Variants in SPRING1 observed in about 807,000 individuals in gnomAD.
SPRING1 encodes the protein SREBF pathway regulator in golgi 1, also known as SREBP regulating gene protein.
In SPRING1, 14 loss-of-function variants were observed where a neutral mutation model predicts 24.7. That is an observed-to-expected ratio of 0.57 (90% CI 0.37 to 0.88). The LOEUF is 0.88. Among genes scored for constraint, SPRING1 ranks in the 40% least tolerant of loss-of-function variants. SPRING1 has a pLI of 0.00. For missense variants in SPRING1, 255 were observed against 268.4 expected, an observed-to-expected ratio of 0.95 and a Z score of 0.35; for synonymous variants, 93 against 106.1, an observed-to-expected ratio of 0.88 and a Z score of 0.76.
At chr12:116,726,613 A>C (rs896274660) in intron 1 of SPRING1, among the ~76,000 whole-genome samples, 3 of 152,208 alleles carry the variant, frequency 2.0e-5, no homozygotes, top group Non-Finnish European at 2.9e-5. Context: ...ACTTAGGTGC[A>C]TGCTGCTTAA....
In SPRING1 at chr12:116,720,177, A is replaced by G. The variant is rs1870355809; in HGVS notation, c.420+119T>C. 3 of 1,318,632 alleles carry G rather than the reference A, an allele frequency of 2.3e-6. No individual in the cohort carries two copies. The highest frequency in any genetic ancestry group is 2.5e-5 in the East Asian group (1 of 39,350). The allele number at this position is 1,318,632 out of a possible 1,614,324, so 81.7% of individuals were successfully genotyped here. On this transcript the variant is annotated intron_variant, in intron 3 of 4. Coordinates refer to ENST00000261318, the MANE Select transcript of SPRING1 (RefSeq NM_024738.4). This position sits in a 1 kb window ranked among gnomAD's most constrained non-coding sequence, Gnocchi z 4.0. ...TATTGTGCAGCAATTTCTGACACCT[A>G]CAAAGCTCCTTTCTAAGTTTTATTT...
chr12:116,724,971 T>C (rs1440986249), intron 1 of SPRING1, among the ~76,000 whole-genome samples: 2 of 152,224 alleles, frequency 1.3e-5, no homozygotes, highest in African/African-American at 2.4e-5. Context: ...ACTGCATGCC[T>C]ATAGTGTATT....
chr12:116,722,963 A>G, intron 2 of SPRING1, 104 bp downstream of exon 2: 9 of 1,416,004 alleles, frequency 6.4e-6, no homozygotes, highest in Non-Finnish European at 8.7e-6. Flanking sequence ...GAGCGAGGAG[A>G]GAAAATGTGT....
rs543215243 is a variant in SPRING1, at chr12:116,720,160, A to G, written c.420+136T>C. The G allele has an allele frequency of 8.6e-7, 1 of 1,167,564 alleles. No homozygotes were observed. Among genetic ancestry groups the G allele is most frequent in the South Asian group, 1.7e-5 (1 of 58,782 alleles). The allele number at this position is 1,167,564 out of a possible 1,614,324, so 72.3% of individuals were successfully genotyped here. ...TTTCCTTAGATAAAAGCTATTGTGC[A>G]GCAATTTCTGACACCTACAAAGCTC... is the stretch of plus-strand genomic sequence containing the variant. On this transcript the variant is annotated intron_variant, in intron 3 of 4. Coordinates refer to ENST00000261318, the MANE Select transcript of SPRING1 (RefSeq NM_024738.4). This position sits in a 1 kb window ranked among gnomAD's most constrained non-coding sequence, Gnocchi z 4.0.
At chr12:116,722,686 C>A (rs930729022) in intron 2 of SPRING1, among the ~76,000 whole-genome samples, 3 of 152,076 alleles carry the variant, frequency 2.0e-5, no homozygotes, top group African/African-American at 7.2e-5. Flanking sequence ...ACTCAGGTTA[C>A]CAAGAAGGAA....
At position 116,738,057 on chromosome 12, in the gene SPRING1, A is replaced by C. The variant is rs1256355563; in HGVS notation, c.-157T>G. 2 of 1,082,994 alleles carry C rather than the reference A, an allele frequency of 1.8e-6. No individual in the cohort carries two copies. Among genetic ancestry groups the C allele is most frequent in the South Asian group, 4.4e-5 (1 of 22,560 alleles). 67.1% of individuals were successfully genotyped at this position (1,082,994 alleles called of 1,614,324 possible). On this transcript the variant is annotated 5_prime_UTR_variant, in exon 1 of 5. Transcript: ENST00000261318. ...GTCTGCTCCCGGCAGCCTTGGGCGC[A>C]GCCCCACGTGACCCCGCCCTACGCC...
chr12:116,717,786 G>A lies in SPRING1; in HGVS notation c.*24C>T. On this transcript the variant is annotated 3_prime_UTR_variant, in exon 5 of 5. Coordinates refer to ENST00000261318, the MANE Select transcript of SPRING1 (RefSeq NM_024738.4). The surrounding 1 kb of genome is among the most constrained non-coding windows in gnomAD (Gnocchi z 4.2). Reference sequence around the variant, plus strand: ...TCTTCAGCGGGGCCTCCTCACCCAGGCTGGAGCAAGTCCGCTGCACCCGTC... The same window carrying A: ...TCTTCAGCGGGGCCTCCTCACCCAGACTGGAGCAAGTCCGCTGCACCCGTC... 1 of 1,563,126 alleles carries A rather than the reference G, an allele frequency of 6.4e-7. No homozygotes were observed. The highest frequency in any genetic ancestry group is 2.3e-5 in the East Asian group (1 of 42,968).
intron 1 of SPRING1, among the ~76,000 whole-genome samples, chr12:116,730,147 G>A (rs193016753): frequency 9.7e-4 from 148 of 152,036 alleles, no homozygotes; most frequent in African/African-American, 3.3e-3. Context: ...TGATCCACCC[G>A]CCTCGGCCTC....
rs1423901260 is a variant in SPRING1 at position 116,713,546 on chromosome 12, AC to A, written c.*4263del. The A allele has an allele frequency of 1.4e-4, 21 of 152,248 alleles. No homozygotes were observed. Among genetic ancestry groups the A allele is most frequent in the Admixed American group, 2.6e-4 (4 of 15,290 alleles). The allele number at this position is 152,248 out of a possible 1,614,324, so 9.4% of individuals were successfully genotyped here. ...TACCAGGGGTATGACAAAAATGGAC[AC>A]TTCCATACACACTAGGTGAATATAT... is the stretch of plus-strand genomic sequence containing the variant. On this transcript the variant is annotated 3_prime_UTR_variant, in exon 5 of 5. Coordinates refer to ENST00000261318, the MANE Select transcript of SPRING1 (RefSeq NM_024738.4).
At position 116,711,621 on chromosome 12, in the gene SPRING1, T is replaced by A. The variant is rs984213966; in HGVS notation, c.*6189A>T. ...GTGATTTCTCATTTAGACAACACTT[T>A]TTTCCCCTCCTCAGACAGGGTCTCA... On this transcript the variant is annotated 3_prime_UTR_variant, in exon 5 of 5. Transcript: ENST00000261318. 5.9e-5 allele frequency: 9 copies of A among 152,142 alleles called. No homozygotes were observed. The highest frequency in any genetic ancestry group is 2.2e-4 in the African/African-American group (9 of 41,408). 9.4% of individuals were successfully genotyped at this position (152,142 alleles called of 1,614,324 possible). A position where few individuals can be genotyped will look rare whatever the true frequency, so the allele number is the denominator to read the frequency against.
intron 1 of SPRING1, among the ~76,000 whole-genome samples, chr12:116,732,778 T>C (rs1341174686): frequency 2.0e-5 from 3 of 152,176 alleles, no homozygotes; most frequent in Non-Finnish European, 4.4e-5. Context: ...ATGTTACCCA[T>C]TTCATCTCTA....
intron 1 of SPRING1, 50 bp downstream of exon 1, chr12:116,737,740 G>GAGGA: frequency 2.0e-6 from 3 of 1,467,340 alleles, no homozygotes; most frequent in Non-Finnish European, 2.7e-6. Context: ...AAGTAAGGGG[G>GAGGA]AGGAAGGAAG....
At chr12:116,737,687 A>C in intron 1 of SPRING1, 103 bp downstream of exon 1, 1 of 1,264,670 alleles carries the variant, frequency 7.9e-7, no homozygotes, top group Non-Finnish European at 1.0e-6. Context: ...ACAGGGAGGA[A>C]GGAAAAAAGG....
intron 1 of SPRING1, among the ~76,000 whole-genome samples, chr12:116,730,524 C>T (rs899105724): frequency 1.3e-5 from 2 of 152,256 alleles, no homozygotes; most frequent in South Asian, 2.1e-4. Flanking sequence ...TACAAACAAG[C>T]GTTACATACT....
Position 116,717,896 on chromosome 12 carries a change from G to A in SPRING1, c.535-3C>T. ...TAGGTGTTCTCATGCTGCACGCTCT[G>A]TTGGCAAAAGGAAAATAAGAGCGCA... On this transcript the variant is annotated splice_region_variant and splice_polypyrimidine_tract_variant and intron_variant, in intron 4 of 4. Coordinates refer to ENST00000261318, the MANE Select transcript of SPRING1 (RefSeq NM_024738.4). This position sits in a 1 kb window ranked among gnomAD's most constrained non-coding sequence, Gnocchi z 4.2. The A allele has an allele frequency of 6.3e-7, 1 of 1,598,484 alleles. No homozygotes were observed. The highest frequency in any genetic ancestry group is 2.3e-5 in the East Asian group (1 of 44,120).
In SPRING1 at chr12:116,735,302, G is replaced by A. The variant is rs548843716; in HGVS notation, c.111+2488C>T. On this transcript the variant is annotated intron_variant, in intron 1 of 4. Transcript: ENST00000261318. ...AGGAGGGTGGTTGCCGGGGGCTGGGGAAAGGGAGAAATGGAGAGTTATTGT... is the reference window on the plus strand; with the variant it reads ...AGGAGGGTGGTTGCCGGGGGCTGGGAAAAGGGAGAAATGGAGAGTTATTGT... 1.4e-4 allele frequency among the ~76,000 whole-genome samples: 22 copies of A among 152,284 alleles called. No individual in the cohort carries two copies. The East Asian group carries it at 4.2e-3, about 29-fold the overall frequency.
chr12:116,717,885 C>T lies in SPRING1; in HGVS notation c.543G>A (p.Gln181=). The part of the protein sequence containing the change: ...AKCRTSSQSV[Q]HENTYRDPIA... ...TGGGGTCCCGGTAGGTGTTCTCATG[C>T]TGCACGCTCTGTTGGCAAAAGGAAA... is the stretch of plus-strand genomic sequence containing the variant. Residue 181 remains glutamine, a synonymous_variant, in exon 5 of 5, where the codon CAG becomes CAA. Coordinates refer to ENST00000261318, the MANE Select transcript of SPRING1 (RefSeq NM_024738.4). The surrounding 1 kb of genome is among the most constrained non-coding windows in gnomAD (Gnocchi z 4.2). The T allele has an allele frequency of 6.2e-7, 1 of 1,603,348 alleles. No individual in the cohort carries two copies. The highest frequency in any genetic ancestry group is 8.5e-7 in the Non-Finnish European group (1 of 1,173,644).
chr12:116,737,408 G>A (rs1592927836), intron 1 of SPRING1, among the ~76,000 whole-genome samples: 5 of 151,242 alleles, frequency 3.3e-5, no homozygotes, highest in Admixed American at 2.0e-4. Flanking sequence ...AAGGGAGAGG[G>A]GGACAGAAAG....
At position 116,719,906 on chromosome 12, in the gene SPRING1, A is replaced by G. The variant is rs185336717; in HGVS notation, c.421-30T>C. 1,814 of 1,580,852 alleles carry G rather than the reference A, an allele frequency of 1.1e-3. 41 individuals carry two copies. In the Admixed American group the frequency reaches 0.028, roughly 24 times the overall value. On this transcript the variant is annotated intron_variant, in intron 3 of 4. Transcript: ENST00000261318. Reference sequence around the variant, plus strand: ...GGAAACAAAAGTTAGTGCCTGTAATAAATTACCTAAGCCAGCACAAGGTGA... The same window carrying G: ...GGAAACAAAAGTTAGTGCCTGTAATGAATTACCTAAGCCAGCACAAGGTGA...
Sources: allele counts gnomAD v4.1 joint callset (sites outside exome capture counted in the v4.1 genomes callset), GRCh38; gene constraint gnomAD v4.1.1; non-coding constraint Gnocchi (gnomAD v3.1); transcripts MANE v1.5; gene names NCBI Gene and HGNC (gene_info 2026-07-23, HGNC 2026-07-21).